The following STARD13 variants were observed in gnomAD, a reference collection of about 807,000 sequenced individuals.
The protein encoded by STARD13 is stAR-related lipid transfer protein 13.
In STARD13, 62 loss-of-function variants were observed where a neutral mutation model predicts 106.4. That is an observed-to-expected ratio of 0.58 (90% CI 0.48 to 0.72). The LOEUF (loss-of-function observed/expected upper bound fraction) is 0.72, where lower values mean the gene tolerates loss of function less well. Ranked by LOEUF, STARD13 falls within the 30% of genes least tolerant of loss-of-function variation. The pLI, the probability that STARD13 is intolerant of heterozygous loss-of-function variation, is 0.00. For missense variants in STARD13, 1,387 were observed against 1,424.0 expected (o/e 0.97, Z 0.42); for synonymous variants, 565 against 553.0 (o/e 1.02, Z -0.31).
chr13:33,559,500 G>A, the STARD13 span, among the ~76,000 whole-genome samples: 2 of 151,436 alleles, frequency 1.3e-5, no homozygotes, highest in Non-Finnish European at 2.9e-5. Flanking sequence ...TCTTTGGGAG[G>A]CAATGAGGTT....
chr13:33,160,712 G>A (rs959493665), intron 3 of STARD13, among the ~76,000 whole-genome samples: 1 of 152,130 alleles, frequency 6.6e-6, no homozygotes, highest in African/African-American at 2.4e-5. Context: ...AAGTGCAAAT[G>A]AGTTAATACC....
chr13:33,433,262 CTT>C, the STARD13 span, among the ~76,000 whole-genome samples: 12 of 152,308 alleles, frequency 7.9e-5, no homozygotes, highest in East Asian at 2.1e-3. Flanking sequence ...ATAATCTCAT[CTT>C]TTCAATGTCT....
At chr13:33,348,903 T>G in exon 2 of STARD13, 1 of 510,918 alleles carries the variant, frequency 2.0e-6, no homozygotes, top group Admixed American at 3.2e-5. Context: ...CAACATTGAG[T>G]GTTGGAATCA....
intron 1 of STARD13, among the ~76,000 whole-genome samples, chr13:33,174,516 C>A (rs533842450): frequency 1.5e-4 from 23 of 152,178 alleles, no homozygotes; most frequent in Non-Finnish European, 3.1e-4. Flanking sequence ...AACCCAACCA[C>A]CTTTCCTGCT....
At chr13:33,634,442 G>A in the STARD13 span, among the ~76,000 whole-genome samples, 8 of 152,148 alleles carry the variant, frequency 5.3e-5, no homozygotes, top group Non-Finnish European at 2.9e-5. Context: ...TAAACCCATA[G>A]CCCCAGGGTG....
chr13:33,399,318 A>G, the STARD13 span, among the ~76,000 whole-genome samples: 1 of 152,118 alleles, frequency 6.6e-6, no homozygotes, highest in Non-Finnish European at 1.5e-5. Flanking sequence ...GGTGGTTACC[A>G]GGGGATGGGG....
At chr13:33,462,421 C>A in the STARD13 span, among the ~76,000 whole-genome samples, 1 of 152,138 alleles carries the variant, frequency 6.6e-6, no homozygotes, top group Admixed American at 6.5e-5. Context: ...TCTAGAGGGA[C>A]AGAACTAATA....
At chr13:33,153,745 T>A (rs150255644) in intron 3 of STARD13, among the ~76,000 whole-genome samples, 2,086 of 152,328 alleles carry the variant, frequency 0.014, 55 homozygotes, top group African/African-American at 0.046. Flanking sequence ...CCTGTGATAC[T>A]TCTAATATTC....
At chr13:33,320,800 A>G (rs1341099097) in intron 1 of STARD13, among the ~76,000 whole-genome samples, 1 of 152,198 alleles carries the variant, frequency 6.6e-6, no homozygotes, top group African/African-American at 2.4e-5. Context: ...GGGAGACCCC[A>G]TCTCTAGAAA....
intron 3 of STARD13, among the ~76,000 whole-genome samples, 156 bp from the exon 4 acceptor site, chr13:33,142,529 T>C (rs554961542): frequency 1.3e-5 from 2 of 152,304 alleles, no homozygotes; most frequent in South Asian, 4.1e-4. Context: ...TGCTATATAG[T>C]AGTTCCCATT....
At chr13:33,462,024 C>T in the STARD13 span, among the ~76,000 whole-genome samples, 2 of 152,196 alleles carry the variant, frequency 1.3e-5, no homozygotes, top group African/African-American at 4.8e-5. Context: ...AACTTGTCTT[C>T]TCTCCATATT....
intron 1 of STARD13, among the ~76,000 whole-genome samples, chr13:33,309,955 T>C (rs1361929204): frequency 6.6e-6 from 1 of 152,224 alleles, no homozygotes; most frequent in African/African-American, 2.4e-5. Context: ...GAATGATCTA[T>C]CTCTGATTCA....
the STARD13 span, among the ~76,000 whole-genome samples, chr13:33,434,884 G>GAGAAGGAAAGAAGGAA: frequency 0.012 from 1,473 of 122,044 alleles, 13 homozygotes; most frequent in African/African-American, 0.025. Context: ...AAGGAAGGGA[G>GAGAAGGAAAGAAGGAA]GGAAGGAAAG....
At chr13:33,187,669 A>T (rs1283679026) in intron 1 of STARD13, among the ~76,000 whole-genome samples, 9 of 151,658 alleles carry the variant, frequency 5.9e-5, no homozygotes, top group African/African-American at 1.9e-4. Flanking sequence ...TCTTTTTTTT[A>T]AAAGAAAAAA....
At chr13:33,450,805 G>T in the STARD13 span, among the ~76,000 whole-genome samples, 28 of 152,274 alleles carry the variant, frequency 1.8e-4, no homozygotes, top group Non-Finnish European at 4.4e-5. Flanking sequence ...CCAGGGAGAG[G>T]AAACAACATG....
At chr13:33,576,068 G>C in the STARD13 span, among the ~76,000 whole-genome samples, 1 of 152,174 alleles carries the variant, frequency 6.6e-6, no homozygotes, top group African/African-American at 2.4e-5. Context: ...CTAGCTCAGA[G>C]GGAGCTTTAT....
At chr13:33,516,906 A>G in the STARD13 span, among the ~76,000 whole-genome samples, 3 of 148,734 alleles carry the variant, frequency 2.0e-5, no homozygotes, top group East Asian at 5.9e-4. Flanking sequence ...GCAACACTGT[A>G]CTCCAGCATG....
At chr13:33,533,722 T>A in the STARD13 span, among the ~76,000 whole-genome samples, 1 of 152,342 alleles carries the variant, frequency 6.6e-6, no homozygotes, top group Non-Finnish European at 1.5e-5. Flanking sequence ...AATTTCCTTG[T>A]ATTTGATGTC....
rs990792870 is a variant in STARD13 at position 33,103,416 on chromosome 13, T to A, written c.*2177A>T. ...ACTGTGTTGTTATGCAGCGGTGATATGATTACTATGTGCACAAAAACAAAA... is the reference window on the plus strand; with the variant it reads ...ACTGTGTTGTTATGCAGCGGTGATAAGATTACTATGTGCACAAAAACAAAA... On this transcript the variant is annotated 3_prime_UTR_variant, in exon 14 of 14. Coordinates refer to ENST00000336934, the MANE Select transcript of STARD13 (RefSeq NM_178006.4). 2 of 152,672 alleles carry A rather than the reference T, an allele frequency of 1.3e-5. No homozygotes were observed. The highest frequency in any genetic ancestry group is 2.9e-5 in the Non-Finnish European group (2 of 68,052). 9.5% of individuals were successfully genotyped at this position (152,672 alleles called of 1,614,324 possible).
Sources: gnomAD v4.1 joint callset for allele counts (sites outside exome capture counted in the v4.1 genomes callset) on GRCh38, gnomAD v4.1.1 for gene constraint, MANE v1.5 for transcripts, NCBI Gene and HGNC (gene_info 2026-07-23, HGNC 2026-07-21) for gene names.